Variants in WDR25 observed in about 807,000 individuals in gnomAD.
WDR25 encodes WD repeat-containing protein 25.
In WDR25, 35 loss-of-function variants were observed where a neutral mutation model predicts 47.7. That is an observed-to-expected ratio of 0.73 (90% CI 0.56 to 0.97). The LOEUF is 0.97. WDR25 is among the 50% of genes least tolerant of loss of function. The pLI, the probability that WDR25 is intolerant of heterozygous loss-of-function variation, is 0.00. For synonymous variants in WDR25, 248 were observed against 278.9 expected, an observed-to-expected ratio of 0.89 and a Z score of 1.10; for missense variants, 634 against 704.7, an observed-to-expected ratio of 0.90 and a Z score of 1.14.
At chr14:100,408,779 C>T (rs1408296636) in intron 2 of WDR25, among the ~76,000 whole-genome samples, 1 of 152,086 alleles carries the variant, frequency 6.6e-6, no homozygotes, top group Admixed American at 6.5e-5. Context: ...CTTTTCTGTG[C>T]CTTGGGTGTT....
chr14:100,397,075 C>G (rs932000747), intron 2 of WDR25, among the ~76,000 whole-genome samples: 3 of 152,252 alleles, frequency 2.0e-5, no homozygotes, highest in Non-Finnish European at 4.4e-5. Flanking sequence ...GCCCTTGGCT[C>G]TGTCCATACT....
At chr14:100,489,239 C>T (rs1317902599) in intron 4 of WDR25, among the ~76,000 whole-genome samples, 3 of 152,182 alleles carry the variant, frequency 2.0e-5, no homozygotes, top group African/African-American at 4.8e-5. Flanking sequence ...CTCTGCTCCC[C>T]GGTGTTTGGT....
At chr14:100,472,599 C>T (rs1899879512) in intron 3 of WDR25, among the ~76,000 whole-genome samples, 1 of 152,250 alleles carries the variant, frequency 6.6e-6, no homozygotes, top group African/African-American at 2.4e-5. Context: ...GGCCATTTCC[C>T]CACATGGGGC....
intron 2 of WDR25, among the ~76,000 whole-genome samples, chr14:100,443,120 A>C (rs538383725): frequency 1.3e-5 from 2 of 152,294 alleles, no homozygotes; most frequent in South Asian, 4.1e-4. Context: ...GGGTGTGTTC[A>C]CACCTTAGGC....
chr14:100,376,912 G>T (rs571775396), intron 1 of WDR25: 18 of 356,384 alleles, frequency 5.1e-5, no homozygotes, highest in African/African-American at 3.9e-4. Context: ...ATTTTTAGAC[G>T]CTGGGCATTG....
At position 100,459,651 on chromosome 14, in the gene WDR25, A is replaced by G. The variant is rs918057164; in HGVS notation, c.823-8370A>G. Among the ~76,000 whole-genome samples the G allele has an allele frequency of 8.6e-5, 13 of 151,734 alleles. No individual in the cohort carries two copies. In the South Asian group the frequency reaches 1.3e-3, roughly 15 times the overall value. ...CTATCTCCGAATCTCCCCTTTCTAT[A>G]AGGGAGAAGCTATGTGAATACAAAG... On this transcript the variant is annotated intron_variant, in intron 2 of 6. Transcript: ENST00000402312.
At position 100,502,157 on chromosome 14, in the gene WDR25, G is replaced by A. The variant is rs1041182883; in HGVS notation, c.1101+18033G>A. On this transcript the variant is annotated intron_variant, in intron 4 of 6. Coordinates refer to ENST00000402312, the MANE Select transcript of WDR25 (RefSeq NM_001161476.3). The surrounding 1 kb of genome is among the most constrained non-coding windows in gnomAD (Gnocchi z 4.5). ...TTCTGTTGGAAGTGCCTCAGGCATG[G>A]CCCCTTGATAGTTGTGGGAGGTGCA... Among the ~76,000 whole-genome samples the A allele has an allele frequency of 2.0e-4, 31 of 152,334 alleles. 2 individuals are homozygous for A. Among genetic ancestry groups the A allele is most frequent in the Admixed American group, 9.2e-4 (14 of 15,298 alleles).
chr14:100,493,321 C>G (rs964034106), intron 4 of WDR25, among the ~76,000 whole-genome samples: 1 of 152,200 alleles, frequency 6.6e-6, no homozygotes, highest in Admixed American at 6.5e-5. Context: ...AACCATAAAT[C>G]TACTCTGTCT....
At chr14:100,409,107 GC>G (rs750733447) in intron 2 of WDR25, among the ~76,000 whole-genome samples, 1 of 152,146 alleles carries the variant, frequency 6.6e-6, no homozygotes, top group Admixed American at 6.5e-5. Context: ...GATCTGGGGA[GC>G]TTGAGACTCA....
chr14:100,493,938 C>T (rs1203533360), intron 4 of WDR25, among the ~76,000 whole-genome samples: 1 of 152,226 alleles, frequency 6.6e-6, no homozygotes, highest in African/African-American at 2.4e-5. Flanking sequence ...TGACTGTTTG[C>T]AAACCTGCAA....
At chr14:100,482,574 A>G (rs1328722318) in intron 3 of WDR25, among the ~76,000 whole-genome samples, 4 of 152,098 alleles carry the variant, frequency 2.6e-5, no homozygotes, top group African/African-American at 9.7e-5. Flanking sequence ...GAGACCATGG[A>G]TCTAGGCAGA....
At chr14:100,439,052 C>T (rs1595089416) in intron 2 of WDR25, among the ~76,000 whole-genome samples, 1 of 152,188 alleles carries the variant, frequency 6.6e-6, no homozygotes. Flanking sequence ...AGGCAAGGAG[C>T]AGTAGGGAGT....
At chr14:100,486,998 T>C (rs1035469217) in intron 4 of WDR25, among the ~76,000 whole-genome samples, 13 of 152,214 alleles carry the variant, frequency 8.5e-5, no homozygotes, top group African/African-American at 3.1e-4. Flanking sequence ...TTTTTCCTCT[T>C]GTGGTTTTTA....
At chr14:100,433,392 G>A (rs1315349843) in intron 2 of WDR25, among the ~76,000 whole-genome samples, 1 of 152,200 alleles carries the variant, frequency 6.6e-6, no homozygotes, top group Non-Finnish European at 1.5e-5. Flanking sequence ...CCTACCAGGA[G>A]GCACATGTTG....
At chr14:100,479,249 C>G (rs576731679) in intron 3 of WDR25, among the ~76,000 whole-genome samples, 1 of 152,190 alleles carries the variant, frequency 6.6e-6, no homozygotes, top group South Asian at 2.1e-4. Context: ...CACATGGAGA[C>G]CAAGGGGACA....
Position 100,425,520 on chromosome 14 carries a change from G to A in WDR25, c.823-42501G>A, listed in dbSNP as rs977787210. Among the ~76,000 whole-genome samples the A allele has an allele frequency of 6.6e-6, 1 of 152,168 alleles. No homozygotes were observed. The highest frequency in any genetic ancestry group is 2.4e-5 in the African/African-American group (1 of 41,446). On this transcript the variant is annotated intron_variant, in intron 2 of 6. Transcript: ENST00000402312. This position sits in a 1 kb window ranked among gnomAD's most constrained non-coding sequence, Gnocchi z 4.8. The stretch of plus-strand genomic sequence containing the variant: ...ATATGTTTGATGGGGAAAGATACCC[G>A]GGACAGAACCCGACTTTTGCACGTT...
Position 100,506,732 on chromosome 14 carries a change from T to C in WDR25, c.1102-19138T>C, listed in dbSNP as rs960560241. Among the ~76,000 whole-genome samples the C allele has an allele frequency of 2.0e-5, 3 of 152,224 alleles. No homozygotes were observed. The highest frequency in any genetic ancestry group is 4.4e-5 in the Non-Finnish European group (3 of 68,042). ...TCTTCTTTTGAGAAGTGTCTATTCA[T>C]GTCTTTGGCCCATTTTTTAATAGGG... On this transcript the variant is annotated intron_variant, in intron 4 of 6. Transcript: ENST00000402312. The surrounding 1 kb of genome is among the most constrained non-coding windows in gnomAD (Gnocchi z 4.8).
chr14:100,529,415 C>T lies in WDR25; in HGVS notation c.1413+207C>T. The T allele has an allele frequency of 1.4e-6, 1 of 739,022 alleles. No individual in the cohort carries two copies. The highest frequency in any genetic ancestry group is 2.2e-6 in the Non-Finnish European group (1 of 462,748). The allele number at this position is 739,022 out of a possible 1,614,324, so 45.8% of individuals were successfully genotyped here. A position where few individuals can be genotyped will look rare whatever the true frequency, so the allele number is the denominator to read the frequency against. Reference sequence around the variant, plus strand: ...CTCACCCCAGGCCCCACGTACTGGGCAGGAAGCAGTAGTTGGCTCACACAG... The same window carrying T: ...CTCACCCCAGGCCCCACGTACTGGGTAGGAAGCAGTAGTTGGCTCACACAG... On this transcript the variant is annotated intron_variant, in intron 6 of 6. Coordinates refer to ENST00000402312, the MANE Select transcript of WDR25 (RefSeq NM_001161476.3). The surrounding 1 kb of genome is among the most constrained non-coding windows in gnomAD (Gnocchi z 5.1).
chr14:100,394,413 T>G (rs1365899603), intron 2 of WDR25, among the ~76,000 whole-genome samples: 1 of 152,200 alleles, frequency 6.6e-6, no homozygotes, highest in African/African-American at 2.4e-5. Context: ...TCCTCGGGCC[T>G]TGCTTTATGC....
Sources: allele counts gnomAD v4.1 joint callset (sites outside exome capture counted in the v4.1 genomes callset), GRCh38; gene constraint gnomAD v4.1.1; non-coding constraint Gnocchi (gnomAD v3.1); transcripts MANE v1.5; gene names NCBI Gene and HGNC (gene_info 2026-07-23, HGNC 2026-07-21).